Variants in SLC22A16 observed in about 807,000 individuals in gnomAD.
The protein encoded by SLC22A16 is solute carrier family 22 member 16.
Under a neutral mutation model 52.9 loss-of-function variants are expected in SLC22A16, and 53 were observed. The observed-to-expected ratio is 1.00, with a 90% CI of 0.80 to 1.26. The LOEUF (loss-of-function observed/expected upper bound fraction) is 1.26, where lower values mean the gene tolerates loss of function less well. Among genes scored for constraint, SLC22A16 ranks in the 50% most tolerant of loss-of-function variants. SLC22A16 has a pLI of 0.00. For missense variants in SLC22A16, 726 were observed against 704.0 expected, an observed-to-expected ratio of 1.03 and a Z score of -0.35; for synonymous variants, 291 against 268.8, an observed-to-expected ratio of 1.08 and a Z score of -0.81.
intron 1 of SLC22A16, chr6:110,475,900 C>T: frequency 2.2e-6 from 1 of 456,612 alleles, no homozygotes; most frequent in Non-Finnish European, 4.4e-6. Flanking sequence ...CTTGACCCCG[C>T]CAGCTTGTTT....
At chr6:110,456,430 G>A (rs1775655965) in intron 2 of SLC22A16, 108 bp downstream of exon 2, 9 of 1,322,584 alleles carry the variant, frequency 6.8e-6, no homozygotes, top group Non-Finnish European at 8.3e-6. Flanking sequence ...TATTTAGATA[G>A]GAAGTATAAA....
chr6:110,466,308 A>T (rs1228455281), intron 1 of SLC22A16, among the ~76,000 whole-genome samples: 1 of 152,192 alleles, frequency 6.6e-6, no homozygotes, highest in Non-Finnish European at 1.5e-5. Flanking sequence ...TCAACTAAAA[A>T]GCTTCTGCAC....
chr6:110,455,742 G>A (rs991293734), intron 2 of SLC22A16: 1 of 152,178 alleles, frequency 6.6e-6, no homozygotes, highest in African/African-American at 2.4e-5. Flanking sequence ...ACTATTAAGA[G>A]GGATGGCCTT....
chr6:110,476,507 G>GCCCCCCCCCCCCCCCACC lies in SLC22A16; in HGVS notation c.53+14_53+15insGGTGGGGGGGGGGGGGGG, dbSNP rs1554229887. 2.8e-6 allele frequency: 3 copies of GCCCCCCCCCCCCCCCACC among 1,072,996 alleles called. No individual in the cohort carries two copies. In the African/African-American group the frequency reaches 8.5e-5, roughly 30 times the overall value. The allele number at this position is 1,072,996 out of a possible 1,614,324, so 66.5% of individuals were successfully genotyped here. A position where few individuals can be genotyped will look rare whatever the true frequency, so the allele number is the denominator to read the frequency against. ...GCCGCCTCCCGCGTGGCGCCGCGGG[G>GCCCCCCCCCCCCCCCACC]CCCCTCCCCCATACCTGCCGAAGTG... On this transcript the variant is annotated intron_variant, in intron 1 of 7. Transcript: ENST00000368919.
At chr6:110,448,736 AAC>A (rs1354913971) in intron 2 of SLC22A16, among the ~76,000 whole-genome samples, 1 of 152,172 alleles carries the variant, frequency 6.6e-6, no homozygotes, top group Non-Finnish European at 1.5e-5. Context: ...TCCTGCAGAG[AAC>A]AGAGACCATC....
At position 110,446,951 on chromosome 6, in the gene SLC22A16, G is replaced by T; in HGVS notation, c.573C>A (p.Ser191Arg). 6.2e-7 allele frequency: 1 copy of T among 1,613,946 alleles called. No individual in the cohort carries two copies. Among genetic ancestry groups the T allele is most frequent in the Admixed American group, 1.7e-5 (1 of 59,988 alleles). Residue 191 changes from serine (S) to arginine (R), a missense_variant, in exon 3 of 8, where the codon AGC becomes AGA. Coordinates refer to ENST00000368919, the MANE Select transcript of SLC22A16 (RefSeq NM_033125.4). ...RRVVLWATSS[S>R]MFLFGIAAAF... ...CCGCTGCTATTCCAAACAAAAACATGCTACTGCTTGTGGCCCACAAGACCA... is the reference window on the plus strand; with the variant it reads ...CCGCTGCTATTCCAAACAAAAACATTCTACTGCTTGTGGCCCACAAGACCA...
chr6:110,459,367 C>G (rs942749315), intron 1 of SLC22A16, among the ~76,000 whole-genome samples: 1 of 152,154 alleles, frequency 6.6e-6, no homozygotes, highest in African/African-American at 2.4e-5. Flanking sequence ...TGCTGTATCC[C>G]TCCTATGATC....
At chr6:110,467,485 A>G (rs1776110485) in intron 1 of SLC22A16, among the ~76,000 whole-genome samples, 1 of 152,252 alleles carries the variant, frequency 6.6e-6, no homozygotes, top group East Asian at 1.9e-4. Flanking sequence ...TCATCAGAGC[A>G]GAAACTGTGG....
At chr6:110,449,171 C>T (rs891933641) in intron 2 of SLC22A16, among the ~76,000 whole-genome samples, 2 of 152,244 alleles carry the variant, frequency 1.3e-5, no homozygotes, top group South Asian at 2.1e-4. Context: ...CATTGCCTCT[C>T]CTGGTCCTTT....
rs772695103 is a variant in SLC22A16, at chr6:110,442,305, G to A, written c.1122C>T (p.Tyr374=). The part of the protein sequence containing the change: ...LIWFTGSLGF[Y]SFSLNSVNLG... ...AGTTAACAGAATTCAAGGAAAACGAGTAGAATCCCAAACTTCCAGTGAACC... is the reference window on the plus strand; with the variant it reads ...AGTTAACAGAATTCAAGGAAAACGAATAGAATCCCAAACTTCCAGTGAACC... The change falls in exon 4 of 8, where the codon TAC becomes TAT. Residue 374 remains tyrosine (Y), a synonymous_variant. Coordinates refer to ENST00000368919, the MANE Select transcript of SLC22A16 (RefSeq NM_033125.4). 6.2e-7 allele frequency: 1 copy of A among 1,614,184 alleles called. No homozygotes were observed.
chr6:110,424,811 C>A lies in SLC22A16; in HGVS notation c.*62G>T. The A allele has an allele frequency of 2.5e-6, 4 of 1,585,298 alleles. No individual in the cohort carries two copies. Among genetic ancestry groups the A allele is most frequent in the Non-Finnish European group, 2.6e-6 (3 of 1,157,646 alleles). On this transcript the variant is annotated 3_prime_UTR_variant, in exon 8 of 8. Transcript: ENST00000368919. ...CATATGGGAGATGAGAATAAGATTC[C>A]TCTAATACAAAGGCATTAGGGTAAA... is the stretch of plus-strand genomic sequence containing the variant.
rs746505162 is a variant in SLC22A16, at chr6:110,435,972, T to A, written c.1312-11A>T. The stretch of plus-strand genomic sequence containing the variant: ...CAAAATATAATGTTTCTGAAAAAAA[T>A]TTAGCAGAATAGATCATCACAAGTG... On this transcript the variant is annotated splice_polypyrimidine_tract_variant and intron_variant, in intron 5 of 7. Coordinates refer to ENST00000368919, the MANE Select transcript of SLC22A16 (RefSeq NM_033125.4). 52 of 1,561,350 alleles carry A rather than the reference T, an allele frequency of 3.3e-5. No individual in the cohort carries two copies. The East Asian group carries it at 8.1e-4, about 24-fold the overall frequency.
At chr6:110,432,082 A>G (rs1472249460) in intron 6 of SLC22A16, among the ~76,000 whole-genome samples, 1 of 152,238 alleles carries the variant, frequency 6.6e-6, no homozygotes, top group African/African-American at 2.4e-5. Flanking sequence ...ATAGAATGTT[A>G]GTAAGGAAAG....
intron 4 of SLC22A16, among the ~76,000 whole-genome samples, chr6:110,441,836 A>T (rs1175380072): frequency 6.6e-6 from 1 of 152,138 alleles, no homozygotes; most frequent in East Asian, 1.9e-4. Context: ...CCTAATCTTA[A>T]AAAGTCTGTA....
intron 5 of SLC22A16, 136 bp from the exon 6 acceptor site, chr6:110,436,097 T>A (rs1030163797): frequency 1.6e-5 from 10 of 612,060 alleles, no homozygotes; most frequent in Non-Finnish European, 2.6e-5. Context: ...TATTTTTCTG[T>A]TTGAATGTAT....
intron 1 of SLC22A16, among the ~76,000 whole-genome samples, chr6:110,461,515 C>T (rs552976809): frequency 8.5e-5 from 13 of 152,226 alleles, no homozygotes; most frequent in South Asian, 2.1e-4. Context: ...TACCCTCAAG[C>T]GTCACTTACT....
chr6:110,432,026 G>T (rs763843174), intron 6 of SLC22A16, among the ~76,000 whole-genome samples: 5 of 152,050 alleles, frequency 3.3e-5, no homozygotes, highest in Non-Finnish European at 7.4e-5. Flanking sequence ...TAGAGTCAAG[G>T]AATATCTTAA....
intron 6 of SLC22A16, among the ~76,000 whole-genome samples, chr6:110,431,709 T>C (rs986444919): frequency 6.6e-5 from 10 of 152,100 alleles, no homozygotes; most frequent in South Asian, 4.1e-4. Context: ...CACATGACCG[T>C]AAAAAAACGT....
intron 1 of SLC22A16, chr6:110,476,182 A>C: frequency 4.1e-6 from 2 of 491,702 alleles, no homozygotes; most frequent in Non-Finnish European, 6.9e-6. Flanking sequence ...GGCACCCCCT[A>C]CGAGTGAGAT....
Sources: allele counts gnomAD v4.1 joint callset (sites outside exome capture counted in the v4.1 genomes callset), GRCh38; gene constraint gnomAD v4.1.1; transcripts MANE v1.5; gene names NCBI Gene and HGNC (gene_info 2026-07-23, HGNC 2026-07-21).